Variants in NPLOC4 observed in about 807,000 individuals in gnomAD.
The protein encoded by NPLOC4 is nuclear protein localization protein 4 homolog.
A neutral mutation model predicts 80.6 loss-of-function variants in NPLOC4; 18 were observed. The ratio of observed to expected loss-of-function variants is 0.22; its 90% CI spans 0.15 to 0.33. The LOEUF (loss-of-function observed/expected upper bound fraction) is 0.33. NPLOC4 is among the 10% of genes least tolerant of loss of function. NPLOC4 has a pLI of 1.00. For synonymous variants in NPLOC4, 313 were observed against 301.5 expected (o/e 1.04, Z -0.39); for missense variants, 540 against 786.1 (o/e 0.69, Z 3.74).
At chr17:81,596,989 T>G (rs566685143) in intron 10 of NPLOC4, among the ~76,000 whole-genome samples, 116 of 152,280 alleles carry the variant, frequency 7.6e-4, no homozygotes, top group African/African-American at 2.6e-3. Context: ...GGCAGGCGCC[T>G]GTAGTCCCAG....
rs552951398 is a variant in NPLOC4 at position 81,622,201 on chromosome 17, G to A, written c.174C>T (p.Ala58=). The stretch of plus-strand genomic sequence containing the variant: ...GCAAGTTGAGGGATTTGTTGGAGGA[G>A]GCTGTTATCTCTCCGGTCTTGTTTC... ...INRNKTGEIT[A]SSNKSLNLLK... Residue 58 remains alanine (A), a synonymous_variant, in exon 3 of 17, where the codon GCC becomes GCT. Transcript: ENST00000331134. The A allele has an allele frequency of 2.5e-6, 4 of 1,613,682 alleles. No individual in the cohort carries two copies. The highest frequency in any genetic ancestry group is 2.2e-5 in the East Asian group (1 of 44,882).
intron 12 of NPLOC4, among the ~76,000 whole-genome samples, chr17:81,588,476 C>T (rs1440024677): frequency 6.6e-6 from 1 of 152,232 alleles, no homozygotes; most frequent in Non-Finnish European, 1.5e-5. Context: ...ATCCTCCTAC[C>T]TCAGCCTCCT....
At position 81,572,118 on chromosome 17, in the gene NPLOC4, G is replaced by A. The variant is rs371964574; in HGVS notation, c.1282-30C>T. 1.5e-5 allele frequency: 23 copies of A among 1,502,462 alleles called. No individual in the cohort carries two copies. Among genetic ancestry groups the A allele is most frequent in the South Asian group, 2.4e-5 (2 of 81,986 alleles). The allele number at this position is 1,502,462 out of a possible 1,614,324, so 93.1% of individuals were successfully genotyped here. ...AATAGTCAGAGGGGAACAGCGGTGA[G>A]CAAAGACGATCAGTAGTAATGATTT... is the stretch of plus-strand genomic sequence containing the variant. On this transcript the variant is annotated intron_variant, in intron 12 of 16. Transcript: ENST00000331134. The surrounding 1 kb of genome is among the most constrained non-coding windows in gnomAD (Gnocchi z 4.5).
chr17:81,560,361 C>A (rs745791594), intron 16 of NPLOC4, among the ~76,000 whole-genome samples: 6 of 151,776 alleles, frequency 4.0e-5, no homozygotes, highest in South Asian at 2.1e-4. Flanking sequence ...TGCAGTGAGC[C>A]GAGACCCTGC....
intron 9 of NPLOC4, among the ~76,000 whole-genome samples, chr17:81,598,844 A>G (rs2034990566): frequency 6.6e-6 from 1 of 152,204 alleles, no homozygotes; most frequent in Non-Finnish European, 1.5e-5. Flanking sequence ...AGACATGACT[A>G]GCCCACTGGG....
intron 12 of NPLOC4, among the ~76,000 whole-genome samples, chr17:81,587,678 T>G (rs997824841): frequency 4.2e-5 from 6 of 143,150 alleles, no homozygotes; most frequent in South Asian, 2.2e-4. Flanking sequence ...AAAGTTGTTT[T>G]TTTTTTTTTT....
At chr17:81,597,759 G>A (rs1236028417) in intron 9 of NPLOC4, among the ~76,000 whole-genome samples, 3 of 142,864 alleles carry the variant, frequency 2.1e-5, no homozygotes, top group Non-Finnish European at 4.5e-5. Flanking sequence ...CTCCAGCCTG[G>A]GCAACAAGAA....
chr17:81,606,790 G>A lies in NPLOC4; in HGVS notation c.555C>T (p.Asn185=). The change falls in exon 7 of 17, where the codon AAC becomes AAT. Residue 185 remains asparagine (N), a synonymous_variant. Transcript: ENST00000331134. Reference sequence around the variant, plus strand: ...ACCCTGACTTAATCTTGCAGCTGATGTTCTCCAGGGCAACAAACTTCCCCC... The same window carrying A: ...ACCCTGACTTAATCTTGCAGCTGATATTCTCCAGGGCAACAAACTTCCCCC... ...ADKGKFVALE[N]ISCKIKSGCE... 2 of 1,613,172 alleles carry A rather than the reference G, an allele frequency of 1.2e-6. No individual in the cohort carries two copies. The highest frequency in any genetic ancestry group is 8.5e-7 in the Non-Finnish European group (1 of 1,179,634).
chr17:81,586,029 A>T (rs1329455045), intron 12 of NPLOC4, among the ~76,000 whole-genome samples: 1 of 152,132 alleles, frequency 6.6e-6, no homozygotes, highest in African/African-American at 2.4e-5. Context: ...TCATGCATGT[A>T]ATCCCAGCAC....
chr17:81,612,343 C>G (rs1012724996), intron 4 of NPLOC4, among the ~76,000 whole-genome samples: 1 of 152,098 alleles, frequency 6.6e-6, no homozygotes, highest in African/African-American at 2.4e-5. Context: ...GATGATGGCT[C>G]AGAATTCTCT....
chr17:81,591,112 G>T (rs1312343084), intron 11 of NPLOC4, among the ~76,000 whole-genome samples: 2 of 152,114 alleles, frequency 1.3e-5, no homozygotes, highest in Non-Finnish European at 2.9e-5. Context: ...GGGGAGCCAC[G>T]GTGCAGACAT....
chr17:81,604,424 G>T (rs562212043), intron 8 of NPLOC4, 124 bp downstream of exon 8: 3 of 789,732 alleles, frequency 3.8e-6, no homozygotes, highest in South Asian at 3.9e-5. Context: ...TGTTGTGCAC[G>T]TGCACCGGTG....
chr17:81,635,423 T>C (rs1354023138), intron 1 of NPLOC4, among the ~76,000 whole-genome samples: 1 of 146,172 alleles, frequency 6.8e-6, no homozygotes, highest in Non-Finnish European at 1.5e-5. Flanking sequence ...TTCATTCCAC[T>C]CATCTCCAGG....
At chr17:81,600,875 ATC>A (rs1366086600) in intron 8 of NPLOC4, among the ~76,000 whole-genome samples, 1 of 152,224 alleles carries the variant, frequency 6.6e-6, no homozygotes, top group African/African-American at 2.4e-5. Context: ...GCCTTGGAAA[ATC>A]TGTGTGCCAC....
chr17:81,606,488 C>T (rs372078430), intron 7 of NPLOC4, among the ~76,000 whole-genome samples: 1 of 152,136 alleles, frequency 6.6e-6, no homozygotes, highest in Non-Finnish European at 1.5e-5. Flanking sequence ...ACTGAGGGCG[C>T]GCACTCCATA....
In NPLOC4 at chr17:81,572,110, A is replaced by C; in HGVS notation, c.1282-22T>G. 6 of 1,567,884 alleles carry C rather than the reference A, an allele frequency of 3.8e-6. No homozygotes were observed. Among genetic ancestry groups the C allele is most frequent in the Non-Finnish European group, 5.2e-6 (6 of 1,146,238 alleles). ...CGTCCTGCAATAGTCAGAGGGGAAC[A>C]GCGGTGAGCAAAGACGATCAGTAGT... On this transcript the variant is annotated intron_variant, in intron 12 of 16. Coordinates refer to ENST00000331134, the MANE Select transcript of NPLOC4 (RefSeq NM_017921.4). The surrounding 1 kb of genome is among the most constrained non-coding windows in gnomAD (Gnocchi z 4.5).
At chr17:81,620,516 A>T (rs79502364) in intron 3 of NPLOC4, among the ~76,000 whole-genome samples, 1,801 of 152,224 alleles carry the variant, frequency 0.012, 31 homozygotes, top group African/African-American at 0.034. Context: ...AATAAATAAA[A>T]AAATGCAAAC....
At chr17:81,594,643 C>T (rs1170612234) in intron 11 of NPLOC4, among the ~76,000 whole-genome samples, 1 of 151,996 alleles carries the variant, frequency 6.6e-6, no homozygotes, top group African/African-American at 2.4e-5. Context: ...GGTATGCTGG[C>T]AGGCTCCTAT....
At chr17:81,629,319 G>A (rs987644488) in intron 2 of NPLOC4, among the ~76,000 whole-genome samples, 3 of 149,614 alleles carry the variant, frequency 2.0e-5, no homozygotes, top group African/African-American at 7.4e-5. Flanking sequence ...AGCTTCCCAA[G>A]TAGCTGGGAT....
Sources: gnomAD v4.1 joint callset for allele counts (sites outside exome capture counted in the v4.1 genomes callset) on GRCh38, gnomAD v4.1.1 for gene constraint, Gnocchi (gnomAD v3.1) non-coding constraint, MANE v1.5 for transcripts, NCBI Gene and HGNC (gene_info 2026-07-23, HGNC 2026-07-21) for gene names.